The following FAM156A variants were observed in gnomAD, a reference collection of about 807,000 sequenced individuals.
FAM156A encodes protein FAM156A/FAM156B.
At chrX:52,994,779 A>AGCCT (rs1931046585) in intron 1 of FAM156A, among the ~76,000 whole-genome samples, 1 of 111,287 alleles carries the variant, frequency 9.0e-6, no homozygotes. Context: ...GTTCAAAAAC[A>AGCCT]GCCTGATCAA....
In FAM156A at chrX:52,973,533, A is replaced by G. The variant is rs1251602330; in HGVS notation, c.-433-9298T>C. ...GTAAACAAACAAAAATGGGGAGAAA[A>G]GTCACTGTCAACAGATTTGTCCTAC... On this transcript the variant is annotated intron_variant, in intron 1 of 4. Coordinates refer to the FAM156A transcript ENST00000610625. Among the ~76,000 whole-genome samples, 4 of 111,471 alleles carry G rather than the reference A, an allele frequency of 3.6e-5. No individual in the cohort carries two copies. The East Asian group carries it at 8.4e-4, about 24-fold the overall frequency.
At chrX:52,989,773 G>C (rs1297724672) in intron 1 of FAM156A, among the ~76,000 whole-genome samples, 1 of 112,085 alleles carries the variant, frequency 8.9e-6, no homozygotes, top group Non-Finnish European at 1.9e-5. Flanking sequence ...CTGGCTGGGG[G>C]GTTGGTGGCC....
chrX:52,989,557 G>A (rs1433723404), intron 1 of FAM156A, among the ~76,000 whole-genome samples: 1 of 112,762 alleles, frequency 8.9e-6, no homozygotes, highest in Non-Finnish European at 1.9e-5. Flanking sequence ...CTGCACAGCA[G>A]GTCAGTGGGC....
chrX:52,976,443 C>CA lies in FAM156A; in HGVS notation c.-433-12209dup, dbSNP rs1271042990. Reference sequence around the variant, plus strand: ...CGGGCGACAGATCAGGACTCCATCTCAAAAAAAAAAATTATTAGAGAAACA... The same window carrying CA: ...CGGGCGACAGATCAGGACTCCATCTCAAAAAAAAAAAATTATTAGAGAAACA... On this transcript the variant is annotated intron_variant, in intron 1 of 4. Coordinates refer to the FAM156A transcript ENST00000610625. Among the ~76,000 whole-genome samples, 426 of 102,790 alleles carry CA rather than the reference C, an allele frequency of 4.1e-3. 2 individuals are homozygous for CA. The highest frequency in any genetic ancestry group is 0.014 in the African/African-American group (403 of 28,289). The allele number at this position is 102,790 out of a possible 115,157, so 89.3% of individuals were successfully genotyped here. A position where few individuals can be genotyped will look rare whatever the true frequency, so the allele number is the denominator to read the frequency against.
chrX:52,980,780 CTCTGTGTGTGTG>C (rs1455296579), intron 1 of FAM156A, among the ~76,000 whole-genome samples: 19 of 61,836 alleles, frequency 3.1e-4, no homozygotes, highest in Middle Eastern at 0.011. Context: ...GTTAGGGTTC[CTCTGTGTGTGTG>C]TGTGTGTGTG....
At chrX:52,975,051 TACACACACACAC>T (rs61081750) in intron 1 of FAM156A, among the ~76,000 whole-genome samples, 1,322 of 83,608 alleles carry the variant, frequency 0.016, 24 homozygotes, top group African/African-American at 0.054. Flanking sequence ...GTTAAACACA[TACACACACACAC>T]ACACACACAC....
chrX:52,990,820 A>AGAAAAGAAAAGAAAG (rs1930698827), intron 1 of FAM156A, among the ~76,000 whole-genome samples: 1 of 105,550 alleles, frequency 9.5e-6, no homozygotes, highest in Non-Finnish European at 1.9e-5. Flanking sequence ...AGAAAAGAAA[A>AGAAAAGAAAAGAAAG]GAAAAGAAAA....
chrX:52,986,668 A>C (rs1930312018), intron 1 of FAM156A, among the ~76,000 whole-genome samples: 2 of 111,439 alleles, frequency 1.8e-5, no homozygotes, highest in Non-Finnish European at 1.9e-5. Flanking sequence ...AATTAAAGAA[A>C]AAAAAAACAG....
intron 1 of FAM156A, among the ~76,000 whole-genome samples, chrX:52,983,298 A>G (rs1930031385): frequency 8.9e-6 from 1 of 112,152 alleles, no homozygotes; most frequent in Non-Finnish European, 1.9e-5. Context: ...CCTGAAGGGG[A>G]TGGTCCCTCT....
At chrX:52,979,886 G>C (rs1385543304) in intron 1 of FAM156A, among the ~76,000 whole-genome samples, 4 of 112,344 alleles carry the variant, frequency 3.6e-5, no homozygotes, top group African/African-American at 1.3e-4. Context: ...CTAAACTTTT[G>C]ATGTTATTAA....
intron 1 of FAM156A, among the ~76,000 whole-genome samples, chrX:52,982,650 G>A (rs185814294): frequency 9.5e-4 from 104 of 109,328 alleles, no homozygotes; most frequent in Admixed American, 2.9e-4. Context: ...ATCATCTACC[G>A]TCCTCTAGAT....
chrX:52,984,166 T>C (rs1930105834), intron 1 of FAM156A, among the ~76,000 whole-genome samples: 1 of 111,645 alleles, frequency 9.0e-6, no homozygotes, highest in Non-Finnish European at 1.9e-5. Context: ...TATGGGGCAA[T>C]GTCCCGAGGA....
intron 1 of FAM156A, among the ~76,000 whole-genome samples, chrX:52,990,797 G>GAAAGAAAAGAAAAAAGA (rs782204206): frequency 0.046 from 3,179 of 69,573 alleles, 78 homozygotes; most frequent in Middle Eastern, 0.073. Flanking sequence ...GAAAAGAAAA[G>GAAAGAAAAGAAAAAAGA]AAAGAAAAGA....
upstream of FAM156A, among the ~76,000 whole-genome samples, chrX:52,962,721 AC>A (rs1210282324): frequency 1.1e-5 from 1 of 94,702 alleles, no homozygotes; most frequent in African/African-American, 3.8e-5. Context: ...GCCCTAAATT[AC>A]ATCTCCATCA....
intron 1 of FAM156A, among the ~76,000 whole-genome samples, chrX:52,984,052 T>C (rs1266833916): frequency 9.0e-6 from 1 of 111,294 alleles, no homozygotes; most frequent in African/African-American, 3.3e-5. Flanking sequence ...GATTATTTGC[T>C]GGGAGGACGC....
intron 1 of FAM156A, among the ~76,000 whole-genome samples, chrX:52,982,474 T>A (rs1929981663): frequency 9.0e-6 from 1 of 111,461 alleles, no homozygotes; most frequent in Non-Finnish European, 1.9e-5. Flanking sequence ...AAATAAATAA[T>A]TTTAAAAAAG....
chrX:52,989,540 C>A (rs1930547771), intron 1 of FAM156A, among the ~76,000 whole-genome samples: 1 of 112,711 alleles, frequency 8.9e-6, no homozygotes, highest in African/African-American at 3.2e-5. Flanking sequence ...AGCAGCTGGG[C>A]CTGCAGCTGC....
chrX:52,975,369 C>G (rs1556791906), intron 1 of FAM156A, among the ~76,000 whole-genome samples: 1 of 111,909 alleles, frequency 8.9e-6, no homozygotes, highest in African/African-American at 3.2e-5. Flanking sequence ...TGCAGTCATT[C>G]CCGCACACAC....
chrX:52,975,049 C>CAT (rs1248328256), intron 1 of FAM156A, among the ~76,000 whole-genome samples: 1 of 71,559 alleles, frequency 1.4e-5, no homozygotes, highest in Non-Finnish European at 2.7e-5. Flanking sequence ...CTGTTAAACA[C>CAT]ATACACACAC....
Sources: allele counts gnomAD v4.1 joint callset (sites outside exome capture counted in the v4.1 genomes callset), GRCh38; gene constraint gnomAD v4.1.1; transcripts MANE v1.5; gene names NCBI Gene and HGNC (gene_info 2026-07-23, HGNC 2026-07-21).